The following ASXL2 variants were observed in gnomAD, a reference collection of about 807,000 sequenced individuals.
ASXL2 encodes ASXL transcriptional regulator 2.
A neutral mutation model predicts 122.0 loss-of-function variants in ASXL2; 23 were observed. The ratio of observed to expected loss-of-function variants is 0.19; its 90% CI spans 0.14 to 0.27. The LOEUF (loss-of-function observed/expected upper bound fraction) is 0.27, where lower values mean the gene tolerates loss of function less well. Among genes scored for constraint, ASXL2 ranks in the 10% least tolerant of loss-of-function variants. ASXL2 has a pLI of 1.00. For synonymous variants in ASXL2, 650 were observed against 637.0 expected, an observed-to-expected ratio of 1.02 and a Z score of -0.31; for missense variants, 1,518 against 1,713.8, an observed-to-expected ratio of 0.89 and a Z score of 2.02.
At position 25,740,272 on chromosome 2, in the gene ASXL2, A is replaced by G; in HGVS notation, c.*1757T>C. The stretch of plus-strand genomic sequence containing the variant: ...GTGGGAAAGCATCGAAGAGTGTGTG[A>G]TGTGGGGGTGGGGTGGGCAGTGGTG... On this transcript the variant is annotated 3_prime_UTR_variant, in exon 13 of 13. Transcript: ENST00000435504. The G allele has an allele frequency of 5.3e-6, 1 of 187,958 alleles. No homozygotes were observed. The allele number at this position is 187,958 out of a possible 1,614,324, so 11.6% of individuals were successfully genotyped here.
At chr2:25,876,575 G>A (rs868546060) in intron 1 of ASXL2, among the ~76,000 whole-genome samples, 1 of 152,088 alleles carries the variant, frequency 6.6e-6, no homozygotes, top group Non-Finnish European at 1.5e-5. Context: ...GCATAAATTA[G>A]GGTCCAGGTC....
intron 1 of ASXL2, chr2:25,856,583 A>G (rs2089781573): frequency 2.5e-6 from 3 of 1,185,070 alleles, no homozygotes; most frequent in Non-Finnish European, 3.8e-6. Context: ...AGGGGGCGCC[A>G]GTCTTGATCT....
chr2:25,828,334 G>A (rs1344257845), intron 3 of ASXL2, among the ~76,000 whole-genome samples: 3 of 151,406 alleles, frequency 2.0e-5, no homozygotes, highest in Admixed American at 6.6e-5. Flanking sequence ...GAGAAACCCC[G>A]TCTCCACTAA....
chr2:25,782,531 G>A (rs1256490619), intron 5 of ASXL2, among the ~76,000 whole-genome samples: 1 of 151,910 alleles, frequency 6.6e-6, no homozygotes, highest in Non-Finnish European at 1.5e-5. Flanking sequence ...GGGCAACAGA[G>A]GAAGACTCCA....
intron 2 of ASXL2, among the ~76,000 whole-genome samples, chr2:25,839,666 G>A (rs867491762): frequency 7.0e-6 from 1 of 143,508 alleles, no homozygotes; most frequent in African/African-American, 2.6e-5. Flanking sequence ...TTGTTGCCCA[G>A]GGCTGGAGTG....
chr2:25,763,922 C>T (rs2088295936), intron 8 of ASXL2, among the ~76,000 whole-genome samples: 1 of 152,058 alleles, frequency 6.6e-6, no homozygotes, highest in African/African-American at 2.4e-5. Flanking sequence ...TGATATCTGA[C>T]CAGAGGCTTC....
At position 25,749,967 on chromosome 2, in the gene ASXL2, C is replaced by A. The variant is rs754465635; in HGVS notation, c.1589G>T (p.Ser530Ile). The stretch of plus-strand genomic sequence containing the variant: ...CACTATTGGTTTTTCAACCCCAGGA[C>A]TCTTGGGTTTGCTTGGCGATGTAAC... Reference protein sequence around the residue: ...SLVTSPSKPKSPGVEKPIVKP... With the variant: ...SLVTSPSKPKIPGVEKPIVKP... The change falls in exon 12 of 13, where the codon AGT becomes ATT. Residue 530 changes from serine (S) to isoleucine (I), a missense_variant. By Grantham distance (142) the Ser-to-Ile change is moderately radical. Around this residue, in one of 8 missense-constraint regions of ASXL2, gnomAD observed 292 missense variants for 293.5 expected, o/e 1.00. Transcript: ENST00000435504. 22 of 1,613,858 alleles carry A rather than the reference C, an allele frequency of 1.4e-5. No homozygotes were observed. In the Middle Eastern group the frequency reaches 8.2e-4, roughly 60 times the overall value.
At chr2:25,864,638 A>G (rs2089878325) in intron 1 of ASXL2, among the ~76,000 whole-genome samples, 1 of 152,072 alleles carries the variant, frequency 6.6e-6, no homozygotes, top group Non-Finnish European at 1.5e-5. Flanking sequence ...ACATCAAGTC[A>G]AAGTAGTATA....
chr2:25,837,589 C>T (rs1333499140), intron 2 of ASXL2, among the ~76,000 whole-genome samples: 1 of 152,124 alleles, frequency 6.6e-6, no homozygotes, highest in East Asian at 1.9e-4. Flanking sequence ...CTGTGGCTCA[C>T]ATCTGTAATC....
intron 6 of ASXL2, 72 bp downstream of exon 6, chr2:25,771,368 C>T (rs991851781): frequency 4.4e-6 from 6 of 1,372,048 alleles, no homozygotes; most frequent in African/African-American, 3.0e-5. Flanking sequence ...AAAAAATATC[C>T]GATGACTGCC....
rs768626747 is a variant in ASXL2 at position 25,768,846 on chromosome 2, T to C, written c.527A>G (p.Lys176Arg). Reference sequence around the variant, plus strand: ...TGGCCTGCATTGCTGCTGCTGCTTCTTCTGCTGTTGCTGCTTTAGCGCCTA... The same window carrying C: ...TGGCCTGCATTGCTGCTGCTGCTTCCTCTGCTGTTGCTGCTTTAGCGCCTA... ...LKQALKQQQQ[K>R]KQQQQCRPSI... is the part of the protein sequence containing the mutation. The change falls in exon 7 of 13, where the codon AAG (lysine) becomes AGG (arginine). Residue 176 changes from lysine to arginine, a missense_variant. By Grantham distance (26) the Lys-to-Arg change is conservative. Coordinates refer to ENST00000435504, the MANE Select transcript of ASXL2 (RefSeq NM_018263.6). 1 of 1,613,704 alleles carries C rather than the reference T, an allele frequency of 6.2e-7. No homozygotes were observed. Among genetic ancestry groups the C allele is most frequent in the Non-Finnish European group, 8.5e-7 (1 of 1,179,668 alleles).
rs2087834431 is a variant in ASXL2 at position 25,741,965 on chromosome 2, A to T, written c.*64T>A. The T allele has an allele frequency of 6.6e-7, 1 of 1,507,118 alleles. No individual in the cohort carries two copies. Among genetic ancestry groups the T allele is most frequent in the Admixed American group, 2.2e-5 (1 of 46,502 alleles). 93.4% of individuals were successfully genotyped at this position (1,507,118 alleles called of 1,614,324 possible). On this transcript the variant is annotated 3_prime_UTR_variant, in exon 13 of 13. Coordinates refer to ENST00000435504, the MANE Select transcript of ASXL2 (RefSeq NM_018263.6). ...TATTTCTGTGATTCCAAAAGGACGC[A>T]AAAAACCCAACTGGTCAACCCTTCC...
At chr2:25,761,563 C>T (rs1389686294) in intron 8 of ASXL2, among the ~76,000 whole-genome samples, 1 of 151,268 alleles carries the variant, frequency 6.6e-6, no homozygotes, top group Admixed American at 6.6e-5. Context: ...ATCCCAGCTA[C>T]TCGGGAGGCT....
At chr2:25,754,299 G>T (rs573456465) in intron 10 of ASXL2, among the ~76,000 whole-genome samples, 1 of 152,314 alleles carries the variant, frequency 6.6e-6, no homozygotes, top group Admixed American at 6.5e-5. Flanking sequence ...CATCAGCAGA[G>T]AACAGTGAAT....
At chr2:25,855,921 T>A (rs866183710) in intron 1 of ASXL2, among the ~76,000 whole-genome samples, 3 of 150,406 alleles carry the variant, frequency 2.0e-5, no homozygotes, top group South Asian at 4.2e-4. Context: ...AGAGACAGAG[T>A]CTCGCTCTGT....
chr2:25,845,389 A>C, intron 2 of ASXL2, 92 bp downstream of exon 2: 1 of 1,336,320 alleles, frequency 7.5e-7, no homozygotes, highest in Middle Eastern at 2.2e-4. Context: ...TTATTAAGTA[A>C]TTAATCTTCA....
rs981914961 is a variant in ASXL2 at position 25,740,129 on chromosome 2, G to A, written c.*1900C>T. On this transcript the variant is annotated 3_prime_UTR_variant, in exon 13 of 13. Coordinates refer to ENST00000435504, the MANE Select transcript of ASXL2 (RefSeq NM_018263.6). ...GAAAGATGGACAGACATATCGTTCT[G>A]GCTGAAGCTGGAACACAGATATTAA... The A allele has an allele frequency of 6.2e-5, 14 of 224,116 alleles. No homozygotes were observed. Among genetic ancestry groups the A allele is most frequent in the African/African-American group, 1.6e-4 (7 of 44,860 alleles). 13.9% of individuals were successfully genotyped at this position (224,116 alleles called of 1,614,324 possible).
At chr2:25,785,258 C>T (rs1559510702) in intron 5 of ASXL2, among the ~76,000 whole-genome samples, 1 of 152,284 alleles carries the variant, frequency 6.6e-6, no homozygotes, top group South Asian at 2.1e-4. Context: ...CAGAGTCTCG[C>T]TCTGTCTCCC....
chr2:25,838,392 A>T (rs1001786454), intron 2 of ASXL2, among the ~76,000 whole-genome samples: 4 of 152,214 alleles, frequency 2.6e-5, no homozygotes, highest in African/African-American at 9.7e-5. Context: ...TCCAGTTAAT[A>T]ACTTTCCTGT....
Sources: gnomAD v4.1 joint callset for allele counts (sites outside exome capture counted in the v4.1 genomes callset) on GRCh38, gnomAD v4.1.1 for gene constraint, gnomAD v4.1.1 regional missense constraint, MANE v1.5 for transcripts, NCBI Gene and HGNC (gene_info 2026-07-23, HGNC 2026-07-21) for gene names.